Variants in PREX2 observed in about 807,000 individuals in gnomAD.
PREX2 encodes phosphatidylinositol 3,4,5-trisphosphate-dependent Rac exchanger 2 protein.
PREX2 carries 107 observed loss-of-function variants against 203.2 expected under a neutral mutation model. The ratio of observed to expected loss-of-function variants is 0.53; its 90% CI spans 0.45 to 0.62. The LOEUF (loss-of-function observed/expected upper bound fraction) is 0.62. PREX2 is among the 20% of genes least tolerant of loss of function. The probability of loss-of-function intolerance (pLI) is 0.00; values close to 1 mark genes in which losing one functional copy is unlikely to be tolerated. For missense variants in PREX2, 1,777 were observed against 1,955.9 expected, an observed-to-expected ratio of 0.91 and a Z score of 1.72; for synonymous variants, 672 against 663.6, an observed-to-expected ratio of 1.01 and a Z score of -0.19.
chr8:68,057,072 G>T (rs752731380), intron 10 of PREX2, among the ~76,000 whole-genome samples: 2 of 152,112 alleles, frequency 1.3e-5, no homozygotes, highest in African/African-American at 2.4e-5. Flanking sequence ...TAATCCCCAC[G>T]TGTCAGGGGA....
At chr8:68,090,747 G>T (rs757134353) in intron 20 of PREX2, 32 bp downstream of exon 20, 2 of 1,588,072 alleles carry the variant, frequency 1.3e-6, no homozygotes, top group Admixed American at 3.4e-5. Context: ...CTGGATCTGA[G>T]TGACTACTTG....
intron 37 of PREX2, among the ~76,000 whole-genome samples, chr8:68,196,800 T>C (rs1812407297): frequency 6.6e-6 from 1 of 151,950 alleles, no homozygotes; most frequent in South Asian, 2.1e-4. Flanking sequence ...TCCACCATGA[T>C]TGTAAGTTTC....
At chr8:68,066,380 A>G (rs1032585644) in intron 11 of PREX2, among the ~76,000 whole-genome samples, 4 of 151,924 alleles carry the variant, frequency 2.6e-5, no homozygotes, top group African/African-American at 9.7e-5. Context: ...ATCCTCACCA[A>G]CACTTCTGTC....
chr8:68,036,243 A>G (rs1808027368), intron 6 of PREX2, among the ~76,000 whole-genome samples: 1 of 152,192 alleles, frequency 6.6e-6, no homozygotes, highest in Admixed American at 6.5e-5. Context: ...AGCACTTTCA[A>G]TCAGTTGTAA....
intron 34 of PREX2, among the ~76,000 whole-genome samples, chr8:68,149,390 T>G (rs1247759818): frequency 6.6e-6 from 1 of 152,176 alleles, no homozygotes; most frequent in Non-Finnish European, 1.5e-5. Context: ...GATACAGATT[T>G]TCAAGGTAAG....
At chr8:68,228,608 A>T (rs1008153515) in intron 39 of PREX2, among the ~76,000 whole-genome samples, 1 of 150,752 alleles carries the variant, frequency 6.6e-6, no homozygotes, top group African/African-American at 2.4e-5. Flanking sequence ...TAAAAATATA[A>T]AAAAAAAATT....
At chr8:68,193,463 T>A (rs546968598) in intron 37 of PREX2, among the ~76,000 whole-genome samples, 1 of 152,368 alleles carries the variant, frequency 6.6e-6, no homozygotes, top group South Asian at 2.1e-4. Flanking sequence ...TGGTGTTTAC[T>A]TATTTATTCA....
chr8:68,045,535 T>C (rs1487758123), intron 8 of PREX2, among the ~76,000 whole-genome samples: 1 of 152,112 alleles, frequency 6.6e-6, no homozygotes, highest in African/African-American at 2.4e-5. Flanking sequence ...ATACCATTGT[T>C]AGCATCCGAA....
At chr8:68,059,001 T>G (rs1434780) in intron 10 of PREX2, among the ~76,000 whole-genome samples, 44,995 of 151,970 alleles carry the variant, frequency 0.3, 6,796 homozygotes, top group Admixed American at 0.32. Flanking sequence ...TTAACAACTT[T>G]TTCTGCCTTA....
rs566269970 is a variant in PREX2 at position 67,964,254 on chromosome 8, G to A, written c.141+11719G>A. ...ACATCACTTTCACTCTCATCCCCAC[G>A]ACCAGATCTTTGTAACATGGCTAAT... is the stretch of plus-strand genomic sequence containing the variant. On this transcript the variant is annotated intron_variant, in intron 1 of 39. Coordinates refer to ENST00000288368, the MANE Select transcript of PREX2 (RefSeq NM_024870.4). 2.6e-5 allele frequency among the ~76,000 whole-genome samples: 4 copies of A among 152,258 alleles called. No individual in the cohort carries two copies. In the East Asian group the frequency reaches 5.8e-4, roughly 22 times the overall value.
At chr8:67,993,245 A>T (rs1806659668) in intron 1 of PREX2, among the ~76,000 whole-genome samples, 1 of 152,140 alleles carries the variant, frequency 6.6e-6, no homozygotes, top group African/African-American at 2.4e-5. Flanking sequence ...AGGATGTTTT[A>T]TTAAACTGTG....
chr8:68,137,950 A>G (rs1585821709), intron 32 of PREX2, among the ~76,000 whole-genome samples: 2 of 152,356 alleles, frequency 1.3e-5, no homozygotes, highest in East Asian at 1.9e-4. Context: ...AATCACAGTT[A>G]CTAAATATAG....
chr8:68,052,661 G>T (rs1260940666), intron 8 of PREX2, among the ~76,000 whole-genome samples: 1 of 152,112 alleles, frequency 6.6e-6, no homozygotes, highest in Non-Finnish European at 1.5e-5. Flanking sequence ...ACTAATAGAA[G>T]ATTTTTCCAT....
At chr8:68,033,066 G>A (rs1807934450) in intron 6 of PREX2, among the ~76,000 whole-genome samples, 3 of 152,106 alleles carry the variant, frequency 2.0e-5, no homozygotes, top group Non-Finnish European at 4.4e-5. Flanking sequence ...TTAATTATCT[G>A]GGGACTTGCT....
intron 1 of PREX2, 139 bp from the exon 2 acceptor site, chr8:68,017,707 G>C (rs568197575): frequency 1.5e-6 from 1 of 660,318 alleles, no homozygotes; most frequent in African/African-American, 1.8e-5. Context: ...GGGTTTCTGT[G>C]TTACAACAAA....
At chr8:68,191,096 G>A (rs942998777) in intron 35 of PREX2, among the ~76,000 whole-genome samples, 3 of 152,096 alleles carry the variant, frequency 2.0e-5, no homozygotes, top group Admixed American at 6.5e-5. Context: ...TAGGCCACTA[G>A]GATTCCACTT....
chr8:68,093,243 A>T (rs1809938157), intron 20 of PREX2, among the ~76,000 whole-genome samples: 1 of 151,924 alleles, frequency 6.6e-6, no homozygotes, highest in African/African-American at 2.4e-5. Flanking sequence ...ATACAAAATT[A>T]GCCAGGTATG....
At chr8:67,968,472 AT>A (rs1214132281) in intron 1 of PREX2, among the ~76,000 whole-genome samples, 2 of 152,226 alleles carry the variant, frequency 1.3e-5, no homozygotes, top group Non-Finnish European at 2.9e-5. Flanking sequence ...TACCATCATC[AT>A]TACCAACTTC....
chr8:67,994,030 G>A (rs770561571), intron 1 of PREX2, among the ~76,000 whole-genome samples: 31 of 152,266 alleles, frequency 2.0e-4, no homozygotes, highest in South Asian at 1.7e-3. Context: ...AAGATAAATA[G>A]CTGAGAGATA....
Sources: allele counts gnomAD v4.1 joint callset (sites outside exome capture counted in the v4.1 genomes callset), GRCh38; gene constraint gnomAD v4.1.1; transcripts MANE v1.5; gene names NCBI Gene and HGNC (gene_info 2026-07-23, HGNC 2026-07-21).